HDHD5: variants seen among roughly 807,000 people sequenced by gnomAD.
The protein encoded by HDHD5 is haloacid dehalogenase like hydrolase domain containing 5.
Under a neutral mutation model 35.5 loss-of-function variants are expected in HDHD5, and 34 were observed. That is an observed-to-expected ratio of 0.96 (90% CI 0.73 to 1.28). The LOEUF is 1.28. Ranked by LOEUF, HDHD5 falls within the 50% of genes most tolerant of loss-of-function variation. The probability of loss-of-function intolerance (pLI) is 0.00; values close to 1 mark genes in which losing one functional copy is unlikely to be tolerated. For missense variants in HDHD5, 589 were observed against 560.2 expected (o/e 1.05, Z -0.52); for synonymous variants, 248 against 240.6 (o/e 1.03, Z -0.29).
chr22:17,138,097 TC>T lies in HDHD5; in HGVS notation c.1195del (p.Glu399ArgfsTer6). 4.3e-6 allele frequency: 7 copies of T among 1,613,702 alleles called. No homozygotes were observed. Among genetic ancestry groups the T allele is most frequent in the Non-Finnish European group, 5.9e-6 (7 of 1,179,942 alleles). Reference protein sequence around the residue: ...RDLCFSPGLMEASHVVNDVNE... With the variant: ...RDLCFSPGLMXASHVVNDVNE... Reference sequence around the variant, plus strand: ...CACGTCATTCACCACGTGGGAGGCCTCCATGAGCCCTGGACTGAAGCATAAG... The same window carrying T: ...CACGTCATTCACCACGTGGGAGGCCTCATGAGCCCTGGACTGAAGCATAAG... On this transcript the variant is annotated frameshift_variant, in exon 8 of 8. Transcript: ENST00000336737. LOFTEE classifies it high-confidence loss of function.
intron 4 of HDHD5, among the ~76,000 whole-genome samples, chr22:17,144,328 C>T (rs557338908): frequency 6.6e-6 from 1 of 151,874 alleles, no homozygotes; most frequent in East Asian, 1.9e-4. Flanking sequence ...CAGCTCACTG[C>T]AGCCTCCAAC....
chr22:17,145,091 A>G lies in HDHD5; in HGVS notation c.470T>C (p.Val157Ala), dbSNP rs144220705. The change falls in exon 4 of 8, where the codon GTG (valine) becomes GCG (alanine). Residue 157 changes from valine to alanine, a missense_variant. Physicochemically the swap from Val to Ala is moderately conservative, Grantham distance 64. Coordinates refer to ENST00000336737, the MANE Select transcript of HDHD5 (RefSeq NM_033070.3). ...QGLGFRNVVTVDELRMAFPLL... is the reference protein window; with the variant it reads ...QGLGFRNVVTADELRMAFPLL... ...AGGAAAGGCCATCCGCAGCTCATCC[A>G]CGGTGACGACATTTCGGAAGCCCAG... 7.3e-5 allele frequency: 118 copies of G among 1,613,918 alleles called. 1 individual carries two copies. The highest frequency in any genetic ancestry group is 1.6e-4 in the Middle Eastern group (1 of 6,084).
At chr22:17,149,191 C>T (rs2061698105) in intron 2 of HDHD5, among the ~76,000 whole-genome samples, 1 of 152,154 alleles carries the variant, frequency 6.6e-6, no homozygotes, top group African/African-American at 2.4e-5. Flanking sequence ...TGCAGGGCTG[C>T]AGGTGGCTGA....
Position 17,149,680 on chromosome 22 carries a change from G to A in HDHD5, c.192C>T (p.Ile64=), listed in dbSNP as rs777520185. 6.2e-7 allele frequency: 1 copy of A among 1,614,022 alleles called. No individual in the cohort carries two copies. The highest frequency in any genetic ancestry group is 1.1e-5 in the South Asian group (1 of 91,070). Residue 64 remains isoleucine (I), a synonymous_variant, in exon 2 of 8, where the codon ATC becomes ATT. Coordinates refer to ENST00000336737, the MANE Select transcript of HDHD5 (RefSeq NM_033070.3). ...DGVLVRGHRV[I]PAALKAFRRL... Reference sequence around the variant, plus strand: ...TTCGGAAGGCTTTCAGAGCAGCAGGGATCACTCTGTGGCCCCGCACAAGCA... The same window carrying A: ...TTCGGAAGGCTTTCAGAGCAGCAGGAATCACTCTGTGGCCCCGCACAAGCA...
chr22:17,157,113 C>CACACACACACAA (rs577153294), intron 1 of HDHD5, among the ~76,000 whole-genome samples: 3 of 145,104 alleles, frequency 2.1e-5, no homozygotes, highest in East Asian at 3.9e-4. Context: ...CACACACACA[C>CACACACACACAA]AAAAGAAAAA....
chr22:17,137,984 G>T lies in HDHD5; in HGVS notation c.*37C>A. On this transcript the variant is annotated 3_prime_UTR_variant, in exon 8 of 8. Coordinates refer to ENST00000336737, the MANE Select transcript of HDHD5 (RefSeq NM_033070.3). ...GCCCAGCCAATGGGACTCGCCCACA[G>T]GTCCAGGCTCACCCCCTCACCTCCA... 6.4e-7 allele frequency: 1 copy of T among 1,553,618 alleles called. No individual in the cohort carries two copies.
rs191619432 is a variant in HDHD5 at position 17,147,985 on chromosome 22, A to C, written c.443+463T>G. Among the ~76,000 whole-genome samples the C allele has an allele frequency of 4.5e-3, 685 of 152,272 alleles. 3 individuals carry two copies. Among genetic ancestry groups the C allele is most frequent in the Non-Finnish European group, 7.4e-3 (503 of 68,020 alleles). ...GTGCTCAGCACAACAGTTGCTTAAA[A>C]CGGGCCAGGTATTATTCCGCAGGCT... On this transcript the variant is annotated intron_variant, in intron 3 of 7. Coordinates refer to ENST00000336737, the MANE Select transcript of HDHD5 (RefSeq NM_033070.3).
At chr22:17,157,530 T>C (rs775071589) in intron 1 of HDHD5, among the ~76,000 whole-genome samples, 1 of 152,218 alleles carries the variant, frequency 6.6e-6, no homozygotes, top group Non-Finnish European at 1.5e-5. Flanking sequence ...AACTCTGTCA[T>C]CCTGCATTCT....
intron 4 of HDHD5, among the ~76,000 whole-genome samples, chr22:17,144,057 C>T (rs1455754179): frequency 1.3e-5 from 2 of 152,220 alleles, no homozygotes; most frequent in African/African-American, 4.8e-5. Context: ...CAAGCTACCT[C>T]TCCCGAGGGC....
chr22:17,140,442 C>T (rs2061586971), intron 6 of HDHD5, among the ~76,000 whole-genome samples: 1 of 152,032 alleles, frequency 6.6e-6, no homozygotes, highest in Non-Finnish European at 1.5e-5. Flanking sequence ...AATCCTTGGC[C>T]GGCATGATGG....
At chr22:17,148,259 C>T (rs2061687426) in intron 3 of HDHD5, among the ~76,000 whole-genome samples, 189 bp downstream of exon 3, 1 of 152,162 alleles carries the variant, frequency 6.6e-6, no homozygotes, top group Admixed American at 6.5e-5. Context: ...GGTATGAGAA[C>T]TGGCTTTTGG....
upstream of HDHD5, among the ~76,000 whole-genome samples, chr22:17,162,188 G>A (rs928959689): frequency 1.3e-5 from 2 of 152,184 alleles, no homozygotes; most frequent in African/African-American, 4.8e-5. Flanking sequence ...CTTGGAGGTG[G>A]AGCTTCCATT....
chr22:17,141,459 T>C, intron 5 of HDHD5: 9 of 1,353,094 alleles, frequency 6.7e-6, no homozygotes, highest in Non-Finnish European at 8.5e-6. Context: ...CCATTCTGAC[T>C]TCAGTCCACC....
At chr22:17,142,949 G>A in intron 5 of HDHD5, 149 bp downstream of exon 5, 1 of 711,124 alleles carries the variant, frequency 1.4e-6, no homozygotes, top group East Asian at 3.0e-5. Flanking sequence ...GAGGTGGTAA[G>A]TGGCAGATCC....
rs2061549882 is a variant in HDHD5, at chr22:17,137,749, AG to A, written c.*271del. The A allele has an allele frequency of 2.3e-6, 1 of 429,096 alleles. No individual in the cohort carries two copies. Among genetic ancestry groups the A allele is most frequent in the Non-Finnish European group, 4.2e-6 (1 of 235,606 alleles). 26.6% of individuals were successfully genotyped at this position (429,096 alleles called of 1,614,324 possible). On this transcript the variant is annotated 3_prime_UTR_variant, in exon 8 of 8. Transcript: ENST00000336737. ...AAATGAGAAGGACACTGAGGCACACAGGGGAAGAGAATGGCCTGAGGTTAGA... is the reference window on the plus strand; with the variant it reads ...AAATGAGAAGGACACTGAGGCACACAGGGAAGAGAATGGCCTGAGGTTAGA...
chr22:17,145,095 TGAC>T lies in HDHD5; in HGVS notation c.463_465del (p.Val155del), dbSNP rs764315054. On this transcript the variant is annotated inframe_deletion, in exon 4 of 8. Coordinates refer to ENST00000336737, the MANE Select transcript of HDHD5 (RefSeq NM_033070.3). The stretch of plus-strand genomic sequence containing the variant: ...AAGGCCATCCGCAGCTCATCCACGG[TGAC>T]GACATTTCGGAAGCCCAGTCTGGAG... 35 of 1,613,900 alleles carry T rather than the reference TGAC, an allele frequency of 2.2e-5. No homozygotes were observed. The highest frequency in any genetic ancestry group is 2.6e-5 in the Non-Finnish European group (31 of 1,180,006).
chr22:17,164,615 GAC>G (rs1165414179), intron 1 of HDHD5, among the ~76,000 whole-genome samples: 3 of 152,058 alleles, frequency 2.0e-5, no homozygotes, highest in Admixed American at 6.5e-5. Flanking sequence ...CCAGGAAAGA[GAC>G]AAAAAGGGGT....
At chr22:17,156,350 C>T (rs1247386477) in intron 1 of HDHD5, among the ~76,000 whole-genome samples, 1 of 152,106 alleles carries the variant, frequency 6.6e-6, no homozygotes, top group Non-Finnish European at 1.5e-5. Context: ...CTGTGGCTCA[C>T]GCCTGTAATC....
In HDHD5 at chr22:17,148,204, C is replaced by A. The variant is rs545167504; in HGVS notation, c.443+244G>T. ...GTGAATTAAGGCTCCAGCGCAGATA[C>A]CCTGGGATCTGTATTTTAAGCTCCC... On this transcript the variant is annotated intron_variant, in intron 3 of 7. Coordinates refer to ENST00000336737, the MANE Select transcript of HDHD5 (RefSeq NM_033070.3). 2.6e-5 allele frequency among the ~76,000 whole-genome samples: 4 copies of A among 152,274 alleles called. No homozygotes were observed. The South Asian group carries it at 8.3e-4, about 32-fold the overall frequency.
Sources: allele counts gnomAD v4.1 joint callset (sites outside exome capture counted in the v4.1 genomes callset), GRCh38; gene constraint gnomAD v4.1.1; transcripts MANE v1.5; gene names NCBI Gene and HGNC (gene_info 2026-07-23, HGNC 2026-07-21).